The following MAD1L1 variants were observed in gnomAD, a reference collection of about 807,000 sequenced individuals.
MAD1L1 encodes mitotic arrest deficient 1 like 1, also known as mitotic spindle assembly checkpoint protein MAD1.
MAD1L1 carries 95 observed loss-of-function variants against 96.9 expected under a neutral mutation model. The ratio of observed to expected loss-of-function variants is 0.98; its 90% CI spans 0.83 to 1.16. MAD1L1 has a LOEUF of 1.16. Ranked by LOEUF, MAD1L1 falls within the 50% of genes most tolerant of loss-of-function variation. The pLI is 0.00. For synonymous variants in MAD1L1, 473 were observed against 396.6 expected (o/e 1.19, Z -2.29); for missense variants, 1,007 against 954.4 (o/e 1.06, Z -0.73).
intron 17 of MAD1L1, among the ~76,000 whole-genome samples, chr7:1,907,806 G>A (rs775486578): frequency 3.3e-5 from 5 of 152,260 alleles, no homozygotes; most frequent in Admixed American, 6.5e-5. Context: ...CGGACATCAC[G>A]GGTGCTCGGC....
At chr7:2,208,083 A>C (rs1379997470) in intron 10 of MAD1L1, among the ~76,000 whole-genome samples, 1 of 152,168 alleles carries the variant, frequency 6.6e-6, no homozygotes, top group Non-Finnish European at 1.5e-5. Context: ...ATTTTTCTAC[A>C]TCAGGTGATC....
chr7:1,963,940 C>T (rs1780054273), intron 15 of MAD1L1, among the ~76,000 whole-genome samples: 1 of 152,210 alleles, frequency 6.6e-6, no homozygotes, highest in South Asian at 2.1e-4. Context: ...GCTGATGCCT[C>T]CTGGAGAGGT....
rs1361331540 is a variant in MAD1L1, at chr7:1,898,203, G to A, written c.1995C>T (p.Phe665=). ...YAEHPGDCLI[F]KATSPSGSKM... ...AGCCGTCACACGCAGGACCCACCTT[G>A]AAGATGAGGCAGTCGCCTGGGTGCT... Residue 665 remains phenylalanine (F), a synonymous_variant, in exon 18 of 19, where the codon TTC becomes TTT. Transcript: ENST00000265854. 4 of 1,607,436 alleles carry A rather than the reference G, an allele frequency of 2.5e-6. No homozygotes were observed. Among genetic ancestry groups the A allele is most frequent in the Non-Finnish European group, 2.5e-6 (3 of 1,176,820 alleles).
intron 14 of MAD1L1, among the ~76,000 whole-genome samples, chr7:2,001,538 G>A (rs1202208559): frequency 1.3e-5 from 2 of 152,240 alleles, no homozygotes; most frequent in African/African-American, 4.8e-5. Flanking sequence ...GGCCCATGTG[G>A]GCTGAGGAGA....
At chr7:1,829,248 C>T (rs773537099) in intron 18 of MAD1L1, among the ~76,000 whole-genome samples, 86 of 152,356 alleles carry the variant, frequency 5.6e-4, no homozygotes, top group African/African-American at 1.8e-3. Context: ...TGACTTACAG[C>T]GGATGCAAAG....
intron 10 of MAD1L1, among the ~76,000 whole-genome samples, chr7:2,151,750 G>A (rs531303151): frequency 3.9e-5 from 6 of 152,354 alleles, no homozygotes; most frequent in Admixed American, 3.9e-4. Flanking sequence ...AATGAGGGGG[G>A]AAATGGGAGT....
At chr7:2,011,241 G>A (rs1418984970) in intron 13 of MAD1L1, among the ~76,000 whole-genome samples, 1 of 151,980 alleles carries the variant, frequency 6.6e-6, no homozygotes, top group African/African-American at 2.4e-5. Context: ...GGCCCTCCAC[G>A]GGGGCATCCC....
intron 15 of MAD1L1, among the ~76,000 whole-genome samples, chr7:1,977,075 G>A (rs1438789164): frequency 6.6e-6 from 1 of 152,264 alleles, no homozygotes; most frequent in African/African-American, 2.4e-5. Flanking sequence ...CGCCGGGCTG[G>A]GGGCAGAGCT....
At chr7:1,897,800 C>G (rs1171284390) in intron 18 of MAD1L1, among the ~76,000 whole-genome samples, 2 of 152,350 alleles carry the variant, frequency 1.3e-5, no homozygotes, top group South Asian at 2.1e-4. Context: ...CACTGCGCAG[C>G]CTGGCATCTT....
intron 11 of MAD1L1, among the ~76,000 whole-genome samples, chr7:2,098,947 G>C (rs1002152150): frequency 2.0e-5 from 3 of 152,000 alleles, no homozygotes; most frequent in East Asian, 1.9e-4. Context: ...TAAGCCAAGA[G>C]GGCAGGTGGG....
chr7:1,930,744 G>C (rs1789424676), intron 17 of MAD1L1, among the ~76,000 whole-genome samples: 1 of 151,270 alleles, frequency 6.6e-6, no homozygotes, highest in Non-Finnish European at 1.5e-5. Context: ...CCTGGGACTT[G>C]CTTCCTGGTG....
intron 14 of MAD1L1, among the ~76,000 whole-genome samples, chr7:1,981,353 G>C (rs1251117726): frequency 6.6e-6 from 1 of 152,188 alleles, no homozygotes; most frequent in Non-Finnish European, 1.5e-5. Flanking sequence ...GAGCCAGAAC[G>C]GACTGCGGGC....
chr7:1,827,251 C>A (rs1343957030), intron 18 of MAD1L1, among the ~76,000 whole-genome samples: 1 of 152,166 alleles, frequency 6.6e-6, no homozygotes, highest in Non-Finnish European at 1.5e-5. Context: ...AGGGACTGGC[C>A]CCGAGGGCAG....
intron 11 of MAD1L1, among the ~76,000 whole-genome samples, chr7:2,099,382 A>G (rs567038480): frequency 6.6e-6 from 1 of 152,342 alleles, no homozygotes; most frequent in East Asian, 1.9e-4. Flanking sequence ...GTTAGCATTC[A>G]ACAGCAATTT....
intron 10 of MAD1L1, among the ~76,000 whole-genome samples, chr7:2,168,240 G>C (rs1278297502): frequency 6.6e-6 from 1 of 151,744 alleles, no homozygotes; most frequent in African/African-American, 2.4e-5. Context: ...AGCCGAGATC[G>C]TGCCACTGCA....
chr7:1,904,417 G>C (rs1354637379), intron 17 of MAD1L1, among the ~76,000 whole-genome samples: 1 of 139,198 alleles, frequency 7.2e-6, no homozygotes, highest in Non-Finnish European at 1.5e-5. Flanking sequence ...AGGCAGTGAG[G>C]ACACAGTGGC....
chr7:1,981,374 G>A (rs989107437), intron 14 of MAD1L1, among the ~76,000 whole-genome samples: 5 of 152,196 alleles, frequency 3.3e-5, no homozygotes, highest in African/African-American at 7.2e-5. Flanking sequence ...TCAAGGAAGA[G>A]CAGGGCACAG....
chr7:1,925,152 G>C (rs1441119924), intron 17 of MAD1L1, among the ~76,000 whole-genome samples: 1 of 152,158 alleles, frequency 6.6e-6, no homozygotes, highest in African/African-American at 2.4e-5. Flanking sequence ...TTAATCGGCA[G>C]AACACACATA....
At chr7:1,880,556 T>C (rs922909585) in intron 18 of MAD1L1, among the ~76,000 whole-genome samples, 3 of 152,224 alleles carry the variant, frequency 2.0e-5, no homozygotes, top group Non-Finnish European at 4.4e-5. Context: ...ACTGACTTCC[T>C]GCAGTCACAG....
Sources: allele counts gnomAD v4.1 joint callset (sites outside exome capture counted in the v4.1 genomes callset), GRCh38; gene constraint gnomAD v4.1.1; transcripts MANE v1.5; gene names NCBI Gene and HGNC (gene_info 2026-07-23, HGNC 2026-07-21).